Variants in PHF20L1 observed in about 807,000 individuals in gnomAD.
The protein encoded by PHF20L1 is PHD finger protein 20 like 1, also known as PHD finger protein 20-like protein 1.
PHF20L1 carries 44 observed loss-of-function variants against 125.5 expected under a neutral mutation model. That is an observed-to-expected ratio of 0.35 (90% CI 0.28 to 0.45). The LOEUF is 0.45. Among genes scored for constraint, PHF20L1 ranks in the 20% least tolerant of loss-of-function variants. The pLI is 1.00. For missense variants in PHF20L1, 1,012 were observed against 1,217.2 expected (o/e 0.83, Z 2.51); for synonymous variants, 380 against 403.1 (o/e 0.94, Z 0.69).
chr8:132,839,746 A>T (rs1160130467), intron 18 of PHF20L1, among the ~76,000 whole-genome samples, 164 bp downstream of exon 18: 1 of 152,164 alleles, frequency 6.6e-6, no homozygotes, highest in East Asian at 1.9e-4. Flanking sequence ...AACCTTTTGG[A>T]TGCGTTGGTG....
chr8:132,782,996 A>G (rs1453667969), intron 2 of PHF20L1, among the ~76,000 whole-genome samples: 1 of 152,190 alleles, frequency 6.6e-6, no homozygotes, highest in African/African-American at 2.4e-5. Flanking sequence ...GAAAACTGAT[A>G]AAATCACACT....
intron 2 of PHF20L1, among the ~76,000 whole-genome samples, chr8:132,790,534 A>G (rs1330307903): frequency 2.0e-5 from 3 of 152,216 alleles, no homozygotes; most frequent in African/African-American, 4.8e-5. Context: ...CAGGCTAACA[A>G]GTCCCATCTG....
At chr8:132,837,677 A>G in intron 16 of PHF20L1, 35 bp from the exon 17 acceptor site, 2 of 1,513,720 alleles carry the variant, frequency 1.3e-6, no homozygotes, top group Non-Finnish European at 1.8e-6. Flanking sequence ...CCTAGTGAGG[A>G]TCGGGTGACT....
rs80140920 is a variant in PHF20L1 at position 132,783,849 on chromosome 8, C to T, written c.83+5938C>T. On this transcript the variant is annotated intron_variant, in intron 2 of 20. Transcript: ENST00000395386. The stretch of plus-strand genomic sequence containing the variant: ...ACTATGGTCATAAGTTCATAGAAAA[C>T]GTATACATGACCTCTAGGTTAAGGA... 8.9e-3 allele frequency among the ~76,000 whole-genome samples: 1,350 copies of T among 152,100 alleles called. 38 individuals carry two copies. The highest frequency in any genetic ancestry group is 0.087 in the East Asian group (451 of 5,176).
chr8:132,837,892 C>T (rs1393212237), intron 17 of PHF20L1, 81 bp downstream of exon 17: 13 of 926,148 alleles, frequency 1.4e-5, no homozygotes, highest in South Asian at 4.1e-5. Context: ...GCTGTGTTCA[C>T]CACCACTACA....
chr8:132,822,580 T>G (rs1835725144), intron 12 of PHF20L1, among the ~76,000 whole-genome samples: 1 of 152,014 alleles, frequency 6.6e-6, no homozygotes, highest in African/African-American at 2.4e-5. Context: ...TGCATCAAAT[T>G]TATAAAGTTC....
chr8:132,841,395 TTGAG>T (rs1159957287), intron 18 of PHF20L1, among the ~76,000 whole-genome samples: 2 of 152,130 alleles, frequency 1.3e-5, no homozygotes, highest in South Asian at 2.1e-4. Flanking sequence ...CTTTTACTGA[TTGAG>T]TGTTTTAGTA....
chr8:132,794,319 G>A, intron 2 of PHF20L1, 91 bp from the exon 3 acceptor site: 1 of 728,720 alleles, frequency 1.4e-6, no homozygotes, highest in Non-Finnish European at 2.3e-6. Flanking sequence ...TGGTTTTAAT[G>A]GTAAGCAACA....
intron 14 of PHF20L1, among the ~76,000 whole-genome samples, chr8:132,830,047 G>A (rs995871990): frequency 6.6e-6 from 1 of 151,970 alleles, no homozygotes; most frequent in Admixed American, 6.6e-5. Flanking sequence ...TTAAAGTTCT[G>A]GAGGTCAGGA....
At chr8:132,777,963 C>A in intron 2 of PHF20L1, 52 bp downstream of exon 2, 1 of 1,102,116 alleles carries the variant, frequency 9.1e-7, no homozygotes, top group Non-Finnish European at 1.4e-6. Flanking sequence ...TGTAGCCTTA[C>A]ATATGTTAAT....
chr8:132,820,234 A>C (rs1245862039), intron 12 of PHF20L1, among the ~76,000 whole-genome samples: 1 of 151,852 alleles, frequency 6.6e-6, no homozygotes, highest in African/African-American at 2.4e-5. Flanking sequence ...CCAATTTTAG[A>C]TAAGGATACA....
intron 10 of PHF20L1, chr8:132,816,393 G>C (rs1333775164): frequency 6.6e-6 from 1 of 151,296 alleles, no homozygotes; most frequent in Non-Finnish European, 1.5e-5. Flanking sequence ...ATGATGATGG[G>C]ATAAAATTAT....
At chr8:132,811,256 A>G (rs1168494183) in intron 9 of PHF20L1, 128 bp downstream of exon 9, 12 of 1,462,002 alleles carry the variant, frequency 8.2e-6, no homozygotes, top group East Asian at 2.6e-5. Context: ...AATTGATGAT[A>G]TATTTTTAAC....
chr8:132,799,223 G>T, intron 6 of PHF20L1, 51 bp downstream of exon 6: 1 of 1,074,600 alleles, frequency 9.3e-7, no homozygotes. Flanking sequence ...GGTATATAAT[G>T]TCATTTAGAA....
rs760276229 is a variant in PHF20L1, at chr8:132,836,580, G to C, written c.1950G>C (p.Glu650Asp). 1 of 1,612,326 alleles carries C rather than the reference G, an allele frequency of 6.2e-7. No homozygotes were observed. The highest frequency in any genetic ancestry group is 8.5e-7 in the Non-Finnish European group (1 of 1,178,694). Residue 650 changes from glutamate (E) to aspartate (D), a missense_variant, in exon 16 of 21, where the codon GAG becomes GAC. Physicochemically the swap from Glu to Asp is conservative, Grantham distance 45. Around this residue, in one of 7 missense-constraint regions of PHF20L1, gnomAD observed 320 missense variants for 293.8 expected, o/e 1.09. Transcript: ENST00000395386. Reference sequence around the variant, plus strand: ...ACTTCCTAGATGATTCTTCAACGGAGAGTTTGCTTCTGAGTGGGGATGAAT... The same window carrying C: ...ACTTCCTAGATGATTCTTCAACGGACAGTTTGCTTCTGAGTGGGGATGAAT... The part of the protein sequence containing the change: ...DVDFLDDSST[E>D]SLLLSGDEYN...
At chr8:132,836,463 T>C in intron 15 of PHF20L1, 77 bp from the exon 16 acceptor site, 1 of 933,288 alleles carries the variant, frequency 1.1e-6, no homozygotes, top group Non-Finnish European at 1.6e-6. Context: ...TGTTCACTTC[T>C]CATAGCTCCT....
At chr8:132,775,895 C>T (rs966098264) in intron 1 of PHF20L1, among the ~76,000 whole-genome samples, 3 of 152,312 alleles carry the variant, frequency 2.0e-5, no homozygotes, top group South Asian at 2.1e-4. Flanking sequence ...GCCTTTCCTG[C>T]CTGTCTCGTG....
At chr8:132,779,441 A>G (rs1306194551) in intron 2 of PHF20L1, among the ~76,000 whole-genome samples, 1 of 152,200 alleles carries the variant, frequency 6.6e-6, no homozygotes, top group Non-Finnish European at 1.5e-5. Flanking sequence ...AAGGCATACT[A>G]CTGAATGTCT....
At chr8:132,831,533 T>C (rs539055661) in intron 14 of PHF20L1, among the ~76,000 whole-genome samples, 2 of 152,228 alleles carry the variant, frequency 1.3e-5, no homozygotes, top group East Asian at 3.9e-4. Flanking sequence ...CTTGAAAAAT[T>C]TATTGATCAG....
Sources: allele counts gnomAD v4.1 joint callset (sites outside exome capture counted in the v4.1 genomes callset), GRCh38; gene constraint gnomAD v4.1.1; regional missense constraint gnomAD v4.1.1; transcripts MANE v1.5; gene names NCBI Gene and HGNC (gene_info 2026-07-23, HGNC 2026-07-21).